WDR49: variants seen among roughly 807,000 people sequenced by gnomAD.
The protein encoded by WDR49 is WD repeat domain 49, also known as cilia- and flagella-associated protein 337.
A neutral mutation model predicts 119.5 loss-of-function variants in WDR49; 107 were observed. The ratio of observed to expected loss-of-function variants is 0.90; its 90% CI spans 0.77 to 1.05. The LOEUF is 1.05. Among genes scored for constraint, WDR49 ranks in the 50% least tolerant of loss-of-function variants. WDR49 has a pLI of 0.00. For missense variants in WDR49, 1,240 were observed against 1,220.5 expected (o/e 1.02, Z -0.24); for synonymous variants, 425 against 418.8 (o/e 1.01, Z -0.18).
chr3:167,610,378 A>G (rs1716284014), intron 5 of WDR49, among the ~76,000 whole-genome samples: 2 of 152,192 alleles, frequency 1.3e-5, no homozygotes, highest in Non-Finnish European at 2.9e-5. Context: ...GTGGGCCATT[A>G]GGGAACATCA....
chr3:167,478,936 C>T lies in WDR49; in HGVS notation c.3092G>A (p.Arg1031Gln), dbSNP rs76736291. 466 of 1,609,360 alleles carry T rather than the reference C, an allele frequency of 2.9e-4. 4 individuals are homozygous for T. The East Asian group carries it at 0.01, about 35-fold the overall frequency. The stretch of plus-strand genomic sequence containing the variant: ...TTCTTGGCATAATTGCTTGGCTTTT[C>T]GTTCATGATGCAGAATTTCCTTGGG... ...LFPKEILHHE[R>Q]KAKQLCQEKS... Residue 1031 changes from arginine (R) to glutamine (Q), a missense_variant, in exon 19 of 19, where the codon CGA (arginine) becomes CAA (glutamine). Physicochemically the swap from Arg to Gln is conservative, Grantham distance 43. Transcript: ENST00000682715.
chr3:167,510,907 A>G (rs1287394357), intron 16 of WDR49, among the ~76,000 whole-genome samples: 1 of 145,504 alleles, frequency 6.9e-6, no homozygotes, highest in African/African-American at 2.5e-5. Flanking sequence ...TTTCTCCTGT[A>G]GTCTAAATTC....
chr3:167,596,465 C>G (rs1430595299), intron 7 of WDR49, among the ~76,000 whole-genome samples: 10 of 151,642 alleles, frequency 6.6e-5, no homozygotes, highest in Non-Finnish European at 1.5e-4. Context: ...GACTTGGAAC[C>G]AACCCAAATG....
At chr3:167,640,947 C>G (rs935430120) in intron 2 of WDR49, among the ~76,000 whole-genome samples, 1 of 151,812 alleles carries the variant, frequency 6.6e-6, no homozygotes, top group African/African-American at 2.4e-5. Flanking sequence ...CTCACTCCAA[C>G]CCATACACCT....
intron 2 of WDR49, among the ~76,000 whole-genome samples, chr3:167,640,806 G>A (rs1717846014): frequency 6.6e-6 from 1 of 151,690 alleles, no homozygotes; most frequent in African/African-American, 2.4e-5. Context: ...TGAAATGGGA[G>A]GTGGAAAGGA....
intron 2 of WDR49, among the ~76,000 whole-genome samples, chr3:167,645,200 AATTT>A (rs1238756931): frequency 6.6e-6 from 1 of 151,430 alleles, no homozygotes; most frequent in Non-Finnish European, 1.5e-5. Flanking sequence ...TATTTAATTT[AATTT>A]ATTTATTTAT....
chr3:167,538,570 T>C (rs1711608789), intron 10 of WDR49, among the ~76,000 whole-genome samples: 1 of 152,104 alleles, frequency 6.6e-6, no homozygotes, highest in African/African-American at 2.4e-5. Flanking sequence ...ATCTGGCTAC[T>C]AGATTAATTA....
chr3:167,624,597 CA>C (rs1717038771), intron 3 of WDR49, among the ~76,000 whole-genome samples: 1 of 151,926 alleles, frequency 6.6e-6, no homozygotes, highest in Admixed American at 6.6e-5. Context: ...GGGACACTTT[CA>C]TATGTGCAGT....
At chr3:167,625,377 T>C (rs1482067573) in intron 3 of WDR49, among the ~76,000 whole-genome samples, 1 of 152,014 alleles carries the variant, frequency 6.6e-6, no homozygotes, top group East Asian at 1.9e-4. Context: ...TTAAACCCAT[T>C]ATTTTTCAAT....
At chr3:167,654,994 G>A (rs995858602), upstream of WDR49, among the ~76,000 whole-genome samples, 2 of 152,038 alleles carry the variant, frequency 1.3e-5, no homozygotes, top group Non-Finnish European at 2.9e-5. Flanking sequence ...TTCAGATACT[G>A]CATGTATTAG....
rs1174857771 is a variant in WDR49 at position 167,560,362 on chromosome 3, C to T, written c.1510-134G>A. ...CAGTCAGAGACATTTTTGTAATGGA[C>T]TTTCTTTCTATTAAGCTGATAACAT... On this transcript the variant is annotated intron_variant, in intron 8 of 18. Transcript: ENST00000682715. 3.4e-6 allele frequency: 3 copies of T among 887,356 alleles called. No homozygotes were observed. In the East Asian group the frequency reaches 8.0e-5, roughly 24 times the overall value. The allele number at this position is 887,356 out of a possible 1,614,324, so 55.0% of individuals were successfully genotyped here.
chr3:167,566,747 A>G, intron 8 of WDR49: 1 of 519,572 alleles, frequency 1.9e-6, no homozygotes, highest in Non-Finnish European at 3.4e-6. Flanking sequence ...AAGAGTTACT[A>G]CATACTGTAT....
At chr3:167,528,156 T>C (rs1021954014) in intron 14 of WDR49, 139 bp from the exon 15 acceptor site, 7 of 632,390 alleles carry the variant, frequency 1.1e-5, no homozygotes, top group Non-Finnish European at 1.8e-5. Context: ...AAGTTCATGA[T>C]AAAAGAGGCT....
At chr3:167,572,264 G>A (rs1713976814) in intron 8 of WDR49, among the ~76,000 whole-genome samples, 1 of 152,158 alleles carries the variant, frequency 6.6e-6, no homozygotes, top group South Asian at 2.1e-4. Flanking sequence ...TCCTTTAAAA[G>A]GCTTTGCATG....
chr3:167,611,816 A>G (rs1716353004), intron 5 of WDR49, among the ~76,000 whole-genome samples: 1 of 152,210 alleles, frequency 6.6e-6, no homozygotes, highest in African/African-American at 2.4e-5. Flanking sequence ...TGCAGCTACC[A>G]TGGGAGCACT....
chr3:167,555,324 G>T (rs1231258556), intron 9 of WDR49, among the ~76,000 whole-genome samples: 1 of 152,166 alleles, frequency 6.6e-6, no homozygotes, highest in Non-Finnish European at 1.5e-5. Flanking sequence ...GCCCACAATG[G>T]AAGGGCTGAG....
intron 13 of WDR49, 143 bp downstream of exon 13, chr3:167,530,972 T>C (rs1344244157): frequency 1.3e-6 from 1 of 786,030 alleles, no homozygotes. Flanking sequence ...CAACTTCCTT[T>C]GCCATGGTCT....
Position 167,505,541 on chromosome 3 carries a change from C to A in WDR49, c.2775-125G>T, listed in dbSNP as rs965023649. The A allele has an allele frequency of 2.0e-5, 25 of 1,258,108 alleles. No individual in the cohort carries two copies. The Admixed American group carries it at 9.7e-4, about 49-fold the overall frequency. The allele number at this position is 1,258,108 out of a possible 1,614,324, so 77.9% of individuals were successfully genotyped here. On this transcript the variant is annotated intron_variant, in intron 16 of 18. Transcript: ENST00000682715. ...AAACAAAAAATCTATTCCTGTGAACCGAAGTAGTGATATTTGTTTATACTA... is the reference window on the plus strand; with the variant it reads ...AAACAAAAAATCTATTCCTGTGAACAGAAGTAGTGATATTTGTTTATACTA...
At chr3:167,585,244 C>T (rs1421851730) in intron 7 of WDR49, among the ~76,000 whole-genome samples, 1 of 152,048 alleles carries the variant, frequency 6.6e-6, no homozygotes, top group Non-Finnish European at 1.5e-5. Flanking sequence ...AAAACAGACA[C>T]TTTCATATAC....
Sources: gnomAD v4.1 joint callset for allele counts (sites outside exome capture counted in the v4.1 genomes callset) on GRCh38, gnomAD v4.1.1 for gene constraint, MANE v1.5 for transcripts, NCBI Gene and HGNC (gene_info 2026-07-23, HGNC 2026-07-21) for gene names.